CCDC62: variants seen among roughly 807,000 people sequenced by gnomAD.
CCDC62 encodes the protein coiled-coil domain containing 62, also known as coiled-coil domain-containing protein 62.
In CCDC62, 72 loss-of-function variants were observed where a neutral mutation model predicts 80.8. The observed-to-expected ratio is 0.89, with a 90% CI of 0.74 to 1.08. CCDC62 has a LOEUF of 1.08. Among genes scored for constraint, CCDC62 ranks in the 50% least tolerant of loss-of-function variants. The probability of loss-of-function intolerance (pLI) is 0.00; values close to 1 mark genes in which losing one functional copy is unlikely to be tolerated. For synonymous variants in CCDC62, 286 were observed against 296.5 expected (o/e 0.96, Z 0.36); for missense variants, 704 against 809.4 (o/e 0.87, Z 1.58).
At chr12:122,778,924 G>A (rs1010280373) in intron 2 of CCDC62, among the ~76,000 whole-genome samples, 3 of 151,964 alleles carry the variant, frequency 2.0e-5, no homozygotes, top group Admixed American at 6.6e-5. Context: ...TGATTTTTTC[G>A]TTTCTTTGAT....
At chr12:122,795,596 T>C (rs191927653) in intron 6 of CCDC62, among the ~76,000 whole-genome samples, 1,773 of 152,222 alleles carry the variant, frequency 0.012, 33 homozygotes, top group African/African-American at 0.04. Context: ...GCTAATTTTT[T>C]GTATTTTTTA....
At chr12:122,795,971 C>T (rs544336898) in intron 6 of CCDC62, among the ~76,000 whole-genome samples, 1 of 152,242 alleles carries the variant, frequency 6.6e-6, no homozygotes, top group South Asian at 2.1e-4. Flanking sequence ...GCAGAGAGTT[C>T]CTTACCTCTG....
chr12:122,811,164 TATA>T (rs1160543805), intron 10 of CCDC62, among the ~76,000 whole-genome samples: 9 of 151,012 alleles, frequency 6.0e-5, no homozygotes, highest in African/African-American at 2.2e-4. Context: ...GAACCTAAAG[TATA>T]ATAATAAAAA....
At chr12:122,820,455 T>A (rs1296424989) in intron 11 of CCDC62, among the ~76,000 whole-genome samples, 2 of 152,114 alleles carry the variant, frequency 1.3e-5, no homozygotes, top group Non-Finnish European at 2.9e-5. Flanking sequence ...AGATGGTTGG[T>A]GTTACCTGTC....
chr12:122,811,368 C>T (rs1465793162), intron 10 of CCDC62, among the ~76,000 whole-genome samples: 2 of 150,594 alleles, frequency 1.3e-5, no homozygotes, highest in Non-Finnish European at 3.0e-5. Context: ...TGTGCCACCA[C>T]GCCCGGCTAA....
At position 122,826,683 on chromosome 12, in the gene CCDC62, T is replaced by C. The variant is rs2032644344; in HGVS notation, c.*302T>C. 2.3e-6 allele frequency: 1 copy of C among 426,200 alleles called. No homozygotes were observed. 26.4% of individuals were successfully genotyped at this position (426,200 alleles called of 1,614,324 possible). ...TTATGCTAAGAATGAAAAAGACTTC[T>C]CTGTAAAGATACGGACTACAGTTAA... On this transcript the variant is annotated 3_prime_UTR_variant, in exon 13 of 13. Transcript: ENST00000253079.
chr12:122,821,044 C>A (rs1032373985), intron 11 of CCDC62, among the ~76,000 whole-genome samples: 1 of 152,066 alleles, frequency 6.6e-6, no homozygotes, highest in Non-Finnish European at 1.5e-5. Flanking sequence ...GGGGTCACCA[C>A]GGAATGCACT....
At position 122,788,777 on chromosome 12, in the gene CCDC62, C is replaced by T; in HGVS notation, c.518C>T (p.Ala173Val). ...IKLKDKDIIE[A>V]VNHIADCSGK... ...TTTTAGGACAAAGATATTATTGAGGCAGTTAATCACATTGCAGATTGTTCG... is the reference window on the plus strand; with the variant it reads ...TTTTAGGACAAAGATATTATTGAGGTAGTTAATCACATTGCAGATTGTTCG... Residue 173 changes from alanine to valine, a missense_variant, in exon 5 of 13, where the codon GCA (alanine) becomes GTA (valine). By Grantham distance (64) the Ala-to-Val change is moderately conservative. Transcript: ENST00000253079. The T allele has an allele frequency of 6.4e-7, 1 of 1,568,508 alleles. No individual in the cohort carries two copies.
intron 8 of CCDC62, among the ~76,000 whole-genome samples, chr12:122,799,745 C>T (rs1168778602): frequency 6.6e-6 from 1 of 152,214 alleles, no homozygotes; most frequent in African/African-American, 2.4e-5. Flanking sequence ...GCAGCAGCGA[C>T]TTTCCCTGGG....
intron 4 of CCDC62, among the ~76,000 whole-genome samples, chr12:122,787,305 GC>G (rs1296397358): frequency 1.3e-5 from 2 of 151,984 alleles, no homozygotes; most frequent in Non-Finnish European, 2.9e-5. Context: ...AAAAAAATTA[GC>G]CGGGCATGGT....
intron 5 of CCDC62, among the ~76,000 whole-genome samples, chr12:122,789,377 T>A (rs1470272363): frequency 6.6e-6 from 1 of 152,262 alleles, no homozygotes; most frequent in African/African-American, 2.4e-5. Flanking sequence ...AGCCTGGGCA[T>A]TTCTTCCCAT....
rs1879833262 is a variant in CCDC62, at chr12:122,781,172, C to T, written c.238C>T (p.His80Tyr). The change falls in exon 3 of 13, where the codon CAT (histidine) becomes TAT (tyrosine). Residue 80 changes from histidine to tyrosine, a missense_variant. Coordinates refer to ENST00000253079, the MANE Select transcript of CCDC62 (RefSeq NM_201435.5). ...ERCSKLEGEL[H>Y]KRTEIIRSLT... ...TGATGAACTTCCCTCAGGTGAACTA[C>T]ATAAAAGAACTGAAATAATCAGGTC... The T allele has an allele frequency of 6.2e-7, 1 of 1,612,474 alleles. No individual in the cohort carries two copies. Among genetic ancestry groups the T allele is most frequent in the Non-Finnish European group, 8.5e-7 (1 of 1,179,440 alleles).
intron 4 of CCDC62, 148 bp from the exon 5 acceptor site, chr12:122,788,610 T>C (rs890972293): frequency 1.6e-5 from 9 of 572,738 alleles, no homozygotes; most frequent in Non-Finnish European, 2.7e-5. Flanking sequence ...ACCACCCTCA[T>C]AGAGTTACTG....
At chr12:122,805,133 C>T (rs2031519460) in intron 9 of CCDC62, among the ~76,000 whole-genome samples, 1 of 150,498 alleles carries the variant, frequency 6.6e-6, no homozygotes, top group East Asian at 1.9e-4. Context: ...GGTCAGCTCT[C>T]CTCGGCCTCC....
chr12:122,798,602 A>AAAAT (rs1004611332), intron 8 of CCDC62, among the ~76,000 whole-genome samples: 1 of 151,056 alleles, frequency 6.6e-6, no homozygotes, highest in Non-Finnish European at 1.5e-5. Context: ...ATTCTGTTTC[A>AAAAT]AAATAAATAA....
At chr12:122,790,274 C>T (rs2135543254) in intron 5 of CCDC62, among the ~76,000 whole-genome samples, 1 of 152,278 alleles carries the variant, frequency 6.6e-6, no homozygotes, top group Non-Finnish European at 1.5e-5. Flanking sequence ...TGGTCTCAAA[C>T]TCCTGAGCTT....
chr12:122,787,717 C>T (rs2030347170), intron 4 of CCDC62, among the ~76,000 whole-genome samples: 2 of 151,712 alleles, frequency 1.3e-5, no homozygotes, highest in African/African-American at 4.8e-5. Flanking sequence ...CGCCACTGCA[C>T]TCCAGCCTGG....
rs544994091 is a variant in CCDC62, at chr12:122,808,102, G to T, written c.1851+1807G>T. ...ACTTGAGGTCAGGCGTTCGAGACCA[G>T]CCTGGCCAGCATGGTGAAATCCCCT... On this transcript the variant is annotated intron_variant, in intron 10 of 12. Transcript: ENST00000253079. Among the ~76,000 whole-genome samples the T allele has an allele frequency of 8.5e-5, 13 of 152,238 alleles. No homozygotes were observed. In the East Asian group the frequency reaches 2.5e-3, roughly 29 times the overall value.
chr12:122,802,644 C>A (rs892274514), intron 9 of CCDC62, among the ~76,000 whole-genome samples: 4 of 151,702 alleles, frequency 2.6e-5, no homozygotes, highest in African/African-American at 9.7e-5. Flanking sequence ...GAACTCCTGA[C>A]TTCCAGTGGT....
Sources: allele counts gnomAD v4.1 joint callset (sites outside exome capture counted in the v4.1 genomes callset), GRCh38; gene constraint gnomAD v4.1.1; transcripts MANE v1.5; gene names NCBI Gene and HGNC (gene_info 2026-07-23, HGNC 2026-07-21).